The following GPATCH11 variants were observed in gnomAD, a reference collection of about 807,000 sequenced individuals.
GPATCH11 encodes G-patch domain containing 11.
In GPATCH11, 32 loss-of-function variants were observed where a neutral mutation model predicts 44.8. The observed-to-expected ratio is 0.71, with a 90% CI of 0.54 to 0.96. The LOEUF is 0.96. Ranked by LOEUF, GPATCH11 falls within the 40% of genes least tolerant of loss-of-function variation. The probability of loss-of-function intolerance (pLI) is 0.00; values close to 1 mark genes in which losing one functional copy is unlikely to be tolerated. For synonymous variants in GPATCH11, 84 were observed against 94.4 expected (o/e 0.89, Z 0.64); for missense variants, 324 against 303.1 (o/e 1.07, Z -0.51).
In GPATCH11 at chr2:37,098,125, C is replaced by G. The variant is rs1486836983; in HGVS notation, c.*1862C>G. The stretch of plus-strand genomic sequence containing the variant: ...ATCACTTGAAGCCAGGAGTTCAAGA[C>G]CAACCTGGCCAACATGGTGAAACCC... On this transcript the variant is annotated 3_prime_UTR_variant, in exon 9 of 9. Coordinates refer to ENST00000674370, the MANE Select transcript of GPATCH11 (RefSeq NM_174931.4). The G allele has an allele frequency of 6.6e-6, 1 of 151,930 alleles. No homozygotes were observed. Among genetic ancestry groups the G allele is most frequent in the Non-Finnish European group, 1.5e-5 (1 of 67,994 alleles). 9.4% of individuals were successfully genotyped at this position (151,930 alleles called of 1,614,324 possible).
In GPATCH11 at chr2:37,095,527, ATTACT is replaced by A. The variant is rs779562956; in HGVS notation, c.736+13_736+17del. 64 of 1,577,596 alleles carry A rather than the reference ATTACT, an allele frequency of 4.1e-5. No individual in the cohort carries two copies. The African/African-American group carries it at 7.6e-4, about 19-fold the overall frequency. On this transcript the variant is annotated intron_variant, in intron 8 of 8. Coordinates refer to ENST00000674370, the MANE Select transcript of GPATCH11 (RefSeq NM_174931.4). Reference sequence around the variant, plus strand: ...TGGAACAGCCTATGAAGGTAAGAAAATTACTTTATGCTTTTTAAAAATAGATGAAT... The same window carrying A: ...TGGAACAGCCTATGAAGGTAAGAAAATTATGCTTTTTAAAAATAGATGAAT...
chr2:37,086,684 A>G (rs1356822757), intron 1 of GPATCH11, among the ~76,000 whole-genome samples: 1 of 152,170 alleles, frequency 6.6e-6, no homozygotes, highest in Non-Finnish European at 1.5e-5. Flanking sequence ...CTGTAATCCC[A>G]GCTACTCGGG....
intron 1 of GPATCH11, among the ~76,000 whole-genome samples, chr2:37,088,031 GA>G (rs1055724999): frequency 6.6e-6 from 1 of 151,274 alleles, no homozygotes; most frequent in Non-Finnish European, 1.5e-5. Context: ...GTTCAGGTGA[GA>G]AAAAAAAAGT....
chr2:37,091,151 C>G (rs1673299487), intron 4 of GPATCH11, among the ~76,000 whole-genome samples: 1 of 151,902 alleles, frequency 6.6e-6, no homozygotes, highest in African/African-American at 2.4e-5. Flanking sequence ...ATGGAGAAAC[C>G]CCATCTCTAC....
Position 37,089,679 on chromosome 2 carries a change from C to G in GPATCH11, c.99C>G (p.Ile33Met). ...IRPGLPMLRQIREARRKEEKQ... is the reference protein window; with the variant it reads ...IRPGLPMLRQMREARRKEEKQ... ...CAGGATTGCCAATGCTAAGGCAAAT[C>G]CGAGAAGCCCGTCGAAAAGAAGAAA... The change falls in exon 3 of 9, where the codon ATC (isoleucine) becomes ATG (methionine). Residue 33 changes from isoleucine to methionine, a missense_variant. Coordinates refer to ENST00000674370, the MANE Select transcript of GPATCH11 (RefSeq NM_174931.4). 2.6e-6 allele frequency: 4 copies of G among 1,551,112 alleles called. No individual in the cohort carries two copies. Among genetic ancestry groups the G allele is most frequent in the Non-Finnish European group, 2.6e-6 (3 of 1,146,924 alleles).
At chr2:37,089,972 C>A in intron 3 of GPATCH11, 106 bp downstream of exon 3, 1 of 806,798 alleles carries the variant, frequency 1.2e-6, no homozygotes, top group Non-Finnish European at 2.0e-6. Context: ...GAAATTATAA[C>A]AACTTAGGCT....
intron 1 of GPATCH11, among the ~76,000 whole-genome samples, chr2:37,086,994 G>C (rs1449270846): frequency 6.6e-6 from 1 of 152,076 alleles, no homozygotes; most frequent in African/African-American, 2.4e-5. Context: ...TGGAAACTAG[G>C]CTCATTTTCT....
intron 1 of GPATCH11, among the ~76,000 whole-genome samples, chr2:37,087,708 G>A (rs1262935660): frequency 1.3e-5 from 2 of 152,202 alleles, no homozygotes; most frequent in Admixed American, 1.3e-4. Context: ...AGGGAGGGTA[G>A]CCTTGGCCTA....
At chr2:37,085,525 A>G (rs1042124231) in intron 1 of GPATCH11, among the ~76,000 whole-genome samples, 5 of 152,258 alleles carry the variant, frequency 3.3e-5, no homozygotes, top group Non-Finnish European at 7.3e-5. Context: ...AAAAATAGGT[A>G]AACTAAACTG....
At chr2:37,095,304 T>A (rs187918160) in intron 7 of GPATCH11, 133 bp from the exon 8 acceptor site, 1 of 1,145,874 alleles carries the variant, frequency 8.7e-7, no homozygotes, top group Non-Finnish European at 1.2e-6. Context: ...AGTTCTGTCC[T>A]TGACATTTCT....
At chr2:37,087,789 G>A (rs1166929953) in intron 1 of GPATCH11, among the ~76,000 whole-genome samples, 3 of 152,192 alleles carry the variant, frequency 2.0e-5, no homozygotes, top group African/African-American at 7.2e-5. Context: ...TGAATCCTTA[G>A]GGACAGTTGT....
chr2:37,084,636 G>A, intron 1 of GPATCH11, 66 bp downstream of exon 1: 4 of 1,178,152 alleles, frequency 3.4e-6, no homozygotes, highest in Non-Finnish European at 4.3e-6. Context: ...GAGTGCGCTG[G>A]CCATGACTAC....
Position 37,096,335 on chromosome 2 carries a change from A to T in GPATCH11, c.*72A>T. ...AGGGATAGACAATTTAGCAGTTGGA[A>T]ATCTCAAATTTTTTATGCCAGTAAA... On this transcript the variant is annotated 3_prime_UTR_variant, in exon 9 of 9. Transcript: ENST00000674370. 1 of 970,260 alleles carries T rather than the reference A, an allele frequency of 1.0e-6. No individual in the cohort carries two copies. 60.1% of individuals were successfully genotyped at this position (970,260 alleles called of 1,614,324 possible). A position where few individuals can be genotyped will look rare whatever the true frequency, so the allele number is the denominator to read the frequency against.
intron 7 of GPATCH11, among the ~76,000 whole-genome samples, chr2:37,094,487 T>A (rs541846057): frequency 2.6e-5 from 4 of 152,348 alleles, no homozygotes; most frequent in Admixed American, 1.3e-4. Context: ...ATTTTTCCCT[T>A]TAGCTTCCAT....
rs137908342 is a variant in GPATCH11, at chr2:37,089,692, C to G, written c.112C>G (p.Arg38Gly). The G allele has an allele frequency of 1.4e-4, 212 of 1,551,350 alleles. No homozygotes were observed. The African/African-American group carries it at 2.7e-3, about 20-fold the overall frequency. The change falls in exon 3 of 9, where the codon CGA (arginine) becomes GGA (glycine). Residue 38 changes from arginine to glycine, a missense_variant. By Grantham distance (125) the Arg-to-Gly change is moderately radical. Transcript: ENST00000674370. ...GCTAAGGCAAATCCGAGAAGCCCGT[C>G]GAAAAGAAGAAAAGCAACAGGAAGC... Reference protein sequence around the residue: ...PMLRQIREARRKEEKQQEANL... With the variant: ...PMLRQIREARGKEEKQQEANL...
chr2:37,094,776 C>T (rs1180916552), intron 7 of GPATCH11, among the ~76,000 whole-genome samples: 1 of 151,960 alleles, frequency 6.6e-6, no homozygotes, highest in Non-Finnish European at 1.5e-5. Context: ...GTATTTTAGT[C>T]TCTACTAAAA....
At chr2:37,091,711 A>G (rs560800360) in intron 4 of GPATCH11, among the ~76,000 whole-genome samples, 1 of 152,334 alleles carries the variant, frequency 6.6e-6, no homozygotes, top group Admixed American at 6.5e-5. Flanking sequence ...ATATTACTAT[A>G]AGATGAGATT....
chr2:37,093,043 G>A (rs1264636776), intron 6 of GPATCH11, among the ~76,000 whole-genome samples: 3 of 152,172 alleles, frequency 2.0e-5, no homozygotes, highest in Non-Finnish European at 4.4e-5. Context: ...CTACTCAGGA[G>A]GCTGAAGTGG....
At chr2:37,096,059 G>A in intron 8 of GPATCH11, 149 bp from the exon 9 acceptor site, 1 of 588,230 alleles carries the variant, frequency 1.7e-6, no homozygotes, top group Non-Finnish European at 3.0e-6. Flanking sequence ...TGAGAGTGAA[G>A]CATTTTTGGT....
Sources: gnomAD v4.1 joint callset for allele counts (sites outside exome capture counted in the v4.1 genomes callset) on GRCh38, gnomAD v4.1.1 for gene constraint, MANE v1.5 for transcripts, NCBI Gene and HGNC (gene_info 2026-07-23, HGNC 2026-07-21) for gene names.